Variants in DOCK3 observed in about 807,000 individuals in gnomAD.
DOCK3 encodes the protein dedicator of cytokinesis 3.
In DOCK3, 60 loss-of-function variants were observed where a neutral mutation model predicts 265.6. That is an observed-to-expected ratio of 0.23 (90% confidence interval 0.18 to 0.28). DOCK3 has a LOEUF of 0.28. DOCK3 is among the 10% of genes least tolerant of loss of function. DOCK3 has a pLI of 1.00. For synonymous variants in DOCK3, 881 were observed against 938.0 expected (o/e 0.94, Z 1.11); for missense variants, 1,981 against 2,594.3 (o/e 0.76, Z 5.14).
intron 5 of DOCK3, among the ~76,000 whole-genome samples, chr3:51,048,660 G>T (rs1002670000): frequency 2.0e-5 from 3 of 152,156 alleles, no homozygotes; most frequent in African/African-American, 7.2e-5. Flanking sequence ...GTCTGTGATT[G>T]TTTGGCATCA....
intron 31 of DOCK3, 146 bp downstream of exon 31, chr3:51,313,048 A>T (rs1206183639): frequency 1.3e-6 from 1 of 756,550 alleles, no homozygotes; most frequent in Non-Finnish European, 2.2e-6. Context: ...CCTCAGATGG[A>T]TGGTGTAGCA....
chr3:50,743,411 G>A (rs1436827901), intron 1 of DOCK3, among the ~76,000 whole-genome samples: 1 of 149,750 alleles, frequency 6.7e-6, no homozygotes, highest in African/African-American at 2.5e-5. Context: ...ATTGGTTAAA[G>A]AGTCAAGACC....
intron 5 of DOCK3, among the ~76,000 whole-genome samples, chr3:51,038,127 T>C (rs2109004217): frequency 6.6e-6 from 1 of 152,294 alleles, no homozygotes; most frequent in Non-Finnish European, 1.5e-5. Context: ...CAAATGCTAG[T>C]GTTGTCTATC....
intron 2 of DOCK3, among the ~76,000 whole-genome samples, chr3:50,786,044 G>A (rs959353665): frequency 1.8e-4 from 27 of 151,712 alleles, no homozygotes; most frequent in South Asian, 1.0e-3. Flanking sequence ...TAAGAGTGTC[G>A]TGTATTTCCA....
At chr3:50,918,868 T>A (rs552864201) in intron 4 of DOCK3, among the ~76,000 whole-genome samples, 65 of 152,334 alleles carry the variant, frequency 4.3e-4, no homozygotes, top group Admixed American at 1.9e-3. Context: ...TGCCTAGGTT[T>A]TCTTCTAGGG....
chr3:51,240,103 A>G (rs572494603), intron 21 of DOCK3, among the ~76,000 whole-genome samples: 6 of 152,312 alleles, frequency 3.9e-5, no homozygotes, highest in African/African-American at 1.4e-4. Context: ...TTTCCCTCTT[A>G]ACAATGCCTT....
intron 27 of DOCK3, 78 bp from the exon 28 acceptor site, chr3:51,310,154 G>T: frequency 9.1e-7 from 1 of 1,101,136 alleles, no homozygotes; most frequent in Non-Finnish European, 1.4e-6. Flanking sequence ...TCATGATCTA[G>T]TGGCGGCCAG....
intron 3 of DOCK3, among the ~76,000 whole-genome samples, chr3:50,868,891 T>C (rs1449464783): frequency 6.9e-6 from 1 of 143,944 alleles, no homozygotes; most frequent in Non-Finnish European, 1.5e-5. Flanking sequence ...TTTATTTATT[T>C]GGATAATCTG....
rs1575589566 is a variant in DOCK3, at chr3:50,946,075, A to G, written c.315+11998A>G. 2.9e-5 allele frequency among the ~76,000 whole-genome samples: 4 copies of G among 138,544 alleles called. No homozygotes were observed. In the Admixed American group the frequency reaches 3.0e-4, roughly 11 times the overall value. The allele number at this position is 138,544 out of a possible 152,430, so 90.9% of individuals were successfully genotyped here. ...CTACTTTGCTCCAGCTCTGGGCAATAGAGTGAAACCCCATCTCTTAAAAAA... is the reference window on the plus strand; with the variant it reads ...CTACTTTGCTCCAGCTCTGGGCAATGGAGTGAAACCCCATCTCTTAAAAAA... On this transcript the variant is annotated intron_variant, in intron 5 of 52. Transcript: ENST00000266037.
At chr3:51,251,995 G>T (rs1018793515) in intron 22 of DOCK3, among the ~76,000 whole-genome samples, 2 of 152,156 alleles carry the variant, frequency 1.3e-5, no homozygotes, top group African/African-American at 2.4e-5. Context: ...ATGGTTTTAG[G>T]TCTAACATTT....
At chr3:51,151,769 G>A (rs1284121198) in intron 10 of DOCK3, among the ~76,000 whole-genome samples, 2 of 152,168 alleles carry the variant, frequency 1.3e-5, no homozygotes, top group Admixed American at 1.3e-4. Context: ...TAGTTTGGCT[G>A]CATATGAAAT....
At chr3:50,741,130 A>G (rs949422475) in intron 1 of DOCK3, among the ~76,000 whole-genome samples, 17 of 151,042 alleles carry the variant, frequency 1.1e-4, no homozygotes, top group African/African-American at 4.1e-4. Context: ...TTTTTGGATG[A>G]CTATATATAT....
Position 50,970,206 on chromosome 3 carries a change from A to G in DOCK3, c.315+36129A>G, listed in dbSNP as rs1029015046. Among the ~76,000 whole-genome samples the G allele has an allele frequency of 3.3e-5, 5 of 152,242 alleles. 1 individual carries two copies. In the East Asian group the frequency reaches 9.7e-4, roughly 29 times the overall value. ...CATTTATAGGTGATTATATGCTTTT[A>G]TTTTGCTGATTTTAGGATTTTTTCC... On this transcript the variant is annotated intron_variant, in intron 5 of 52. Coordinates refer to ENST00000266037, the MANE Select transcript of DOCK3 (RefSeq NM_004947.5).
At chr3:51,332,656 AT>A (rs1298267247) in intron 33 of DOCK3, among the ~76,000 whole-genome samples, 1 of 152,228 alleles carries the variant, frequency 6.6e-6, no homozygotes, top group Non-Finnish European at 1.5e-5. Flanking sequence ...ACTGGGCAAC[AT>A]AGCAAGACCC....
chr3:50,744,527 C>A (rs1307008384), intron 1 of DOCK3, among the ~76,000 whole-genome samples: 2 of 151,826 alleles, frequency 1.3e-5, no homozygotes, highest in African/African-American at 2.4e-5. Flanking sequence ...CTCAACATCC[C>A]AAGCTTGGGT....
At chr3:51,154,113 C>T (rs1428615214) in intron 10 of DOCK3, among the ~76,000 whole-genome samples, 2 of 152,164 alleles carry the variant, frequency 1.3e-5, no homozygotes, top group Admixed American at 1.3e-4. Flanking sequence ...ATAAAAGCTG[C>T]AGTTATATTT....
intron 5 of DOCK3, among the ~76,000 whole-genome samples, chr3:50,942,351 A>G (rs1459955973): frequency 6.6e-6 from 1 of 152,054 alleles, no homozygotes; most frequent in Non-Finnish European, 1.5e-5. Flanking sequence ...TGTTAAAACT[A>G]AAATATTTTA....
chr3:51,003,033 G>A (rs957674690), intron 5 of DOCK3, among the ~76,000 whole-genome samples: 1 of 152,152 alleles, frequency 6.6e-6, no homozygotes. Context: ...TAGATATGGG[G>A]CATAGAGTCT....
intron 22 of DOCK3, among the ~76,000 whole-genome samples, chr3:51,251,403 C>A (rs1030442681): frequency 3.3e-5 from 5 of 152,210 alleles, no homozygotes; most frequent in Admixed American, 1.3e-4. Context: ...ATGGCTTGGG[C>A]AAATGGTATT....
Sources: gnomAD v4.1 joint callset for allele counts (sites outside exome capture counted in the v4.1 genomes callset) on GRCh38, gnomAD v4.1.1 for gene constraint, MANE v1.5 for transcripts, NCBI Gene and HGNC (gene_info 2026-07-23, HGNC 2026-07-21) for gene names.